SOX6: variants seen among roughly 807,000 people sequenced by gnomAD.
SOX6 encodes SRY-box transcription factor 6.
A neutral mutation model predicts 97.8 loss-of-function variants in SOX6; 11 were observed. The ratio of observed to expected loss-of-function variants is 0.11; its 90% CI spans 0.07 to 0.19. The LOEUF (loss-of-function observed/expected upper bound fraction) is 0.19. Among genes scored for constraint, SOX6 ranks in the 10% least tolerant of loss-of-function variants. The pLI is 1.00. For missense variants in SOX6, 810 were observed against 1,039.5 expected (o/e 0.78, Z 3.04); for synonymous variants, 360 against 371.4 (o/e 0.97, Z 0.35).
chr11:16,268,067 C>G (rs747170741), intron 3 of SOX6, among the ~76,000 whole-genome samples: 16 of 151,168 alleles, frequency 1.1e-4, no homozygotes, highest in Non-Finnish European at 2.2e-4. Context: ...AGATGGCAAT[C>G]AATGGCTACA....
chr11:16,396,803 G>T (rs923833271), intron 1 of SOX6, among the ~76,000 whole-genome samples: 2 of 151,466 alleles, frequency 1.3e-5, no homozygotes, highest in Non-Finnish European at 1.5e-5. Context: ...AGGAGGAGCA[G>T]TCTTTAGTGG....
chr11:16,228,998 A>G (rs2134168009), intron 4 of SOX6, among the ~76,000 whole-genome samples: 1 of 152,294 alleles, frequency 6.6e-6, no homozygotes, highest in East Asian at 1.9e-4. Flanking sequence ...TTTCTTAAAT[A>G]TGTAAAAATA....
At chr11:16,736,494 T>G (rs1054291854) in intron 1 of SOX6, 1 of 152,228 alleles carries the variant, frequency 6.6e-6, no homozygotes, top group Non-Finnish European at 1.5e-5. Context: ...ATAAAAGACA[T>G]GTTGCTAGCT....
At chr11:16,676,503 T>A (rs1847885602) in intron 3 of SOX6, among the ~76,000 whole-genome samples, 1 of 152,232 alleles carries the variant, frequency 6.6e-6, no homozygotes, top group Non-Finnish European at 1.5e-5. Flanking sequence ...CTTTGACAAG[T>A]ATAATGTGAA....
chr11:16,314,641 T>C (rs1178503797), intron 3 of SOX6: 2 of 152,146 alleles, frequency 1.3e-5, no homozygotes, highest in African/African-American at 4.8e-5. Flanking sequence ...CTGTAAACTT[T>C]TGTGGAAAAA....
chr11:16,591,746 A>G (rs1270242058), intron 4 of SOX6, among the ~76,000 whole-genome samples: 1 of 152,164 alleles, frequency 6.6e-6, no homozygotes, highest in African/African-American at 2.4e-5. Context: ...ACTAATTGTC[A>G]TCAGGGAAGA....
chr11:16,498,665 T>C (rs1860651261), intron 4 of SOX6, among the ~76,000 whole-genome samples: 3 of 152,084 alleles, frequency 2.0e-5, no homozygotes, highest in Admixed American at 6.6e-5. Flanking sequence ...AATCCCAGTC[T>C]CTGATAAAAC....
intron 4 of SOX6, among the ~76,000 whole-genome samples, chr11:16,217,525 C>A (rs1217094625): frequency 6.6e-6 from 1 of 151,926 alleles, no homozygotes; most frequent in Non-Finnish European, 1.5e-5. Flanking sequence ...TGATTATGAG[C>A]CAATATTAAA....
At chr11:16,576,542 T>C (rs1724297235) in intron 4 of SOX6, among the ~76,000 whole-genome samples, 2 of 152,238 alleles carry the variant, frequency 1.3e-5, no homozygotes, top group African/African-American at 4.8e-5. Context: ...TGTAATATCA[T>C]AAAATGATGT....
At chr11:16,042,945 G>T (rs146655432) in intron 12 of SOX6, among the ~76,000 whole-genome samples, 6 of 152,072 alleles carry the variant, frequency 3.9e-5, no homozygotes, top group Admixed American at 3.9e-4. Flanking sequence ...TAACACCTAC[G>T]CAGGAAAGCA....
intron 14 of SOX6, 37 bp downstream of exon 14, chr11:15,988,960 G>A: frequency 6.3e-7 from 1 of 1,579,748 alleles, no homozygotes; most frequent in East Asian, 2.2e-5. Context: ...GGATTTGCAG[G>A]GGAGAAGATC....
intron 3 of SOX6, among the ~76,000 whole-genome samples, chr11:16,640,497 C>T (rs968290794): frequency 6.6e-6 from 1 of 152,178 alleles, no homozygotes; most frequent in Non-Finnish European, 1.5e-5. Flanking sequence ...ACCAGCTCCT[C>T]CTTGTACCTC....
At chr11:16,461,077 G>T (rs1046968971) in intron 1 of SOX6, among the ~76,000 whole-genome samples, 3 of 152,046 alleles carry the variant, frequency 2.0e-5, no homozygotes, top group African/African-American at 7.3e-5. Flanking sequence ...TCTAATTTAT[G>T]AGATGGAAAT....
At chr11:16,311,167 C>G (rs1855590023) in intron 3 of SOX6, 2 of 152,068 alleles carry the variant, frequency 1.3e-5, no homozygotes, top group African/African-American at 4.8e-5. Flanking sequence ...TCATTGCTGC[C>G]AAATGCTAAA....
intron 4 of SOX6, among the ~76,000 whole-genome samples, chr11:16,207,427 C>G (rs1408796050): frequency 6.6e-6 from 1 of 151,526 alleles, no homozygotes; most frequent in African/African-American, 2.4e-5. Context: ...ACGGTGAAAC[C>G]CCATCAAAAT....
At chr11:16,007,802 A>C (rs1854601817) in intron 13 of SOX6, among the ~76,000 whole-genome samples, 1 of 152,076 alleles carries the variant, frequency 6.6e-6, no homozygotes, top group Admixed American at 6.6e-5. Flanking sequence ...GGTTTAATCT[A>C]ATGTGTTGGT....
chr11:16,114,015 A>G (rs1373762819), intron 6 of SOX6, among the ~76,000 whole-genome samples: 1 of 152,226 alleles, frequency 6.6e-6, no homozygotes, highest in Non-Finnish European at 1.5e-5. Flanking sequence ...CACTCTGAGT[A>G]AAGAGATGGT....
At chr11:15,998,547 G>C (rs1854301782) in intron 13 of SOX6, among the ~76,000 whole-genome samples, 1 of 151,682 alleles carries the variant, frequency 6.6e-6, no homozygotes. Flanking sequence ...ATTCCTCAAA[G>C]TTTTTTCATA....
chr11:16,638,812 G>C (rs1222934039), intron 3 of SOX6, among the ~76,000 whole-genome samples: 1 of 152,112 alleles, frequency 6.6e-6, no homozygotes, highest in African/African-American at 2.4e-5. Flanking sequence ...GTAGATTCTT[G>C]ATATTAGCCC....
Sources: allele counts gnomAD v4.1 joint callset (sites outside exome capture counted in the v4.1 genomes callset), GRCh38; gene constraint gnomAD v4.1.1; transcripts MANE v1.5; gene names NCBI Gene and HGNC (gene_info 2026-07-23, HGNC 2026-07-21).